USH2A: variants seen among roughly 807,000 people sequenced by gnomAD.
The protein encoded by USH2A is Usher syndrome 2A (autosomal recessive, mild).
USH2A carries 443 observed loss-of-function variants against 538.9 expected under a neutral mutation model. That is an observed-to-expected ratio of 0.82 (90% CI 0.76 to 0.89). The LOEUF (loss-of-function observed/expected upper bound fraction) is 0.89, where lower values mean the gene tolerates loss of function less well. USH2A is among the 40% of genes least tolerant of loss of function. The pLI is 0.00. For synonymous variants in USH2A, 2,413 were observed against 2,273.5 expected (o/e 1.06, Z -1.75); for missense variants, 6,633 against 6,324.8 (o/e 1.05, Z -1.65).
chr1:216,341,678 C>T (rs998650748), intron 4 of USH2A, among the ~76,000 whole-genome samples: 1 of 152,058 alleles, frequency 6.6e-6, no homozygotes, highest in African/African-American at 2.4e-5. Context: ...TCAGAGACCT[C>T]AGAAATAACA....
In USH2A at chr1:215,836,541, TAATATATATATATATATATA is replaced by T. The variant is rs1558120253; in HGVS notation, c.9371+1430_9371+1449del. ...ATAATATATATTATATATATATATA[TAATATATATATATATATATA>T]TATATTTTTTTTTGAGACAGAGTAT... On this transcript the variant is annotated intron_variant, in intron 47 of 71. Transcript: ENST00000307340. Among the ~76,000 whole-genome samples the T allele has an allele frequency of 4.7e-3, 112 of 23,722 alleles. 13 individuals carry two copies. Among genetic ancestry groups the T allele is most frequent in the Admixed American group, 0.032 (28 of 888 alleles). The allele number at this position is 23,722 out of a possible 152,430, so 15.6% of individuals were successfully genotyped here. A position where few individuals can be genotyped will look rare whatever the true frequency, so the allele number is the denominator to read the frequency against.
chr1:215,804,430 A>G (rs1048328890), intron 49 of USH2A, among the ~76,000 whole-genome samples: 11 of 152,042 alleles, frequency 7.2e-5, no homozygotes, highest in African/African-American at 2.7e-4. Context: ...ACTCAAACAA[A>G]TTTACAAGAA....
chr1:216,136,881 C>A (rs1358304899), intron 21 of USH2A, among the ~76,000 whole-genome samples: 2 of 152,082 alleles, frequency 1.3e-5, no homozygotes, highest in Non-Finnish European at 2.9e-5. Flanking sequence ...TCCTCACAGC[C>A]CCTCAGAAGA....
chr1:215,639,458 G>A (rs1051269204), intron 68 of USH2A, among the ~76,000 whole-genome samples: 1 of 152,184 alleles, frequency 6.6e-6, no homozygotes, highest in African/African-American at 2.4e-5. Context: ...ATAGAGCTAA[G>A]GAAAATTAGA....
At chr1:215,736,881 T>C (rs571377194) in intron 60 of USH2A, among the ~76,000 whole-genome samples, 12 of 152,156 alleles carry the variant, frequency 7.9e-5, no homozygotes, top group African/African-American at 2.6e-4. Context: ...ATATGATATT[T>C]GGAAGACAAC....
intron 42 of USH2A, among the ~76,000 whole-genome samples, chr1:215,878,179 C>T (rs1664823496): frequency 6.6e-6 from 1 of 152,114 alleles, no homozygotes; most frequent in African/African-American, 2.4e-5. Context: ...GCCAGTTTCG[C>T]ACAAAGTAGA....
chr1:215,846,244 G>T (rs1412780813), intron 44 of USH2A, among the ~76,000 whole-genome samples: 1 of 152,078 alleles, frequency 6.6e-6, no homozygotes, highest in Admixed American at 6.6e-5. Context: ...ACAGAGTCTC[G>T]CTCTGTCACT....
intron 64 of USH2A, among the ~76,000 whole-genome samples, chr1:215,655,542 T>C (rs1006366076): frequency 2.0e-5 from 3 of 152,068 alleles, no homozygotes; most frequent in African/African-American, 7.2e-5. Context: ...CAACCCAACA[T>C]TTCTCCTCCT....
At chr1:216,200,932 C>A (rs2034974131) in intron 16 of USH2A, among the ~76,000 whole-genome samples, 1 of 150,416 alleles carries the variant, frequency 6.6e-6, no homozygotes, top group Admixed American at 6.7e-5. Context: ...ATGAAGGTCC[C>A]AGCATATTTA....
chr1:216,188,721 T>C (rs904615500), intron 20 of USH2A, among the ~76,000 whole-genome samples: 1 of 151,884 alleles, frequency 6.6e-6, no homozygotes, highest in Non-Finnish European at 1.5e-5. Context: ...AGATGAACAC[T>C]TGGGGGAATA....
intron 37 of USH2A, among the ~76,000 whole-genome samples, chr1:215,936,678 A>G (rs1157512594): frequency 6.6e-6 from 1 of 152,106 alleles, no homozygotes; most frequent in African/African-American, 2.4e-5. Flanking sequence ...CAAGTGATTA[A>G]GAATTTTGTA....
intron 43 of USH2A, among the ~76,000 whole-genome samples, chr1:215,873,345 C>T (rs1274101810): frequency 6.6e-6 from 1 of 152,120 alleles, no homozygotes; most frequent in East Asian, 1.9e-4. Flanking sequence ...AGAAGCTTTC[C>T]TTTCACTTGC....
At chr1:215,667,247 G>A (rs1477747928) in intron 64 of USH2A, among the ~76,000 whole-genome samples, 2 of 152,150 alleles carry the variant, frequency 1.3e-5, no homozygotes, top group African/African-American at 4.8e-5. Flanking sequence ...CACTTAGAAG[G>A]TGCTTGTGAT....
At chr1:216,325,691 T>A in intron 5 of USH2A, 92 bp from the exon 6 acceptor site, 1 of 1,246,400 alleles carries the variant, frequency 8.0e-7, no homozygotes. Flanking sequence ...ACTCGTTTAG[T>A]GCTTTCATGA....
intron 24 of USH2A, 39 bp downstream of exon 24, chr1:216,086,680 G>T (rs768390303): frequency 1.3e-5 from 19 of 1,428,512 alleles, no homozygotes; most frequent in Middle Eastern, 1.8e-4. Context: ...TCTATTCTAA[G>T]TTTGGATGAC....
chr1:215,681,318 AAC>A (rs1235797414), intron 61 of USH2A, among the ~76,000 whole-genome samples: 1 of 117,590 alleles, frequency 8.5e-6, no homozygotes, highest in African/African-American at 2.9e-5. Context: ...TTCATAGGTA[AAC>A]ACACACACAC....
At chr1:215,822,720 T>A (rs1663044947) in intron 47 of USH2A, among the ~76,000 whole-genome samples, 1 of 151,980 alleles carries the variant, frequency 6.6e-6, no homozygotes, top group African/African-American at 2.4e-5. Context: ...GACTTTCATT[T>A]TTTCCCAGTT....
intron 44 of USH2A, among the ~76,000 whole-genome samples, chr1:215,847,510 T>A (rs915443786): frequency 6.6e-6 from 1 of 151,954 alleles, no homozygotes; most frequent in Non-Finnish European, 1.5e-5. Context: ...CCAGGTGTGA[T>A]GGCACACACC....
At chr1:216,089,242 C>G in intron 22 of USH2A, 103 bp from the exon 23 acceptor site, 1 of 1,257,090 alleles carries the variant, frequency 8.0e-7, no homozygotes, top group Non-Finnish European at 1.1e-6. Flanking sequence ...AGATTATGAT[C>G]CTGATACAAG....
Sources: gnomAD v4.1 joint callset for allele counts (sites outside exome capture counted in the v4.1 genomes callset) on GRCh38, gnomAD v4.1.1 for gene constraint, MANE v1.5 for transcripts, NCBI Gene and HGNC (gene_info 2026-07-23, HGNC 2026-07-21) for gene names.